FHAD1: variants seen among roughly 807,000 people sequenced by gnomAD.
The protein encoded by FHAD1 is forkhead associated phosphopeptide binding domain 1.
In FHAD1, 146 loss-of-function variants were observed where a neutral mutation model predicts 191.3. The observed-to-expected ratio is 0.76, with a 90% CI of 0.67 to 0.88. The LOEUF (loss-of-function observed/expected upper bound fraction) is 0.88. Among genes scored for constraint, FHAD1 ranks in the 40% least tolerant of loss-of-function variants. The pLI is 0.00. For synonymous variants in FHAD1, 616 were observed against 672.3 expected (o/e 0.92, Z 1.29); for missense variants, 1,635 against 1,785.8 (o/e 0.92, Z 1.52).
intron 22 of FHAD1, among the ~76,000 whole-genome samples, chr1:15,361,989 C>T (rs145558210): frequency 1.4e-4 from 20 of 143,266 alleles, no homozygotes; most frequent in African/African-American, 5.2e-4. Flanking sequence ...AGCAACAAAG[C>T]GAGACTCTGT....
At chr1:15,258,712 A>T (rs1203548520) in intron 2 of FHAD1, among the ~76,000 whole-genome samples, 1 of 151,462 alleles carries the variant, frequency 6.6e-6, no homozygotes, top group East Asian at 2.0e-4. Context: ...CAGCCTCCTG[A>T]GCAGCTGGGA....
chr1:15,372,303 G>A (rs1698331641), intron 26 of FHAD1, among the ~76,000 whole-genome samples: 1 of 152,192 alleles, frequency 6.6e-6, no homozygotes, highest in Non-Finnish European at 1.5e-5. Context: ...GAGGCCACGG[G>A]CCCTGTTCCC....
At position 15,311,547 on chromosome 1, in the gene FHAD1, G is replaced by T. The variant is rs2101121494; in HGVS notation, c.1040-1510G>T. On this transcript the variant is annotated intron_variant, in intron 7 of 33. Coordinates refer to ENST00000688493, the MANE Select transcript of FHAD1 (RefSeq NM_001391957.1). This position sits in a 1 kb window ranked among gnomAD's most constrained non-coding sequence, Gnocchi z 4.1. ...CCCAGAGAGAGCAGTCTGTTTCTAA[G>T]GAACTTAACTGTGTCCCCGGACGAA... 6.6e-6 allele frequency among the ~76,000 whole-genome samples: 1 copy of T among 152,292 alleles called. No homozygotes were observed. The highest frequency in any genetic ancestry group is 1.9e-4 in the East Asian group (1 of 5,192).
chr1:15,393,795 A>G (rs1292219683), intron 33 of FHAD1, among the ~76,000 whole-genome samples: 2 of 151,576 alleles, frequency 1.3e-5, no homozygotes, highest in Non-Finnish European at 2.9e-5. Context: ...GTAAATACAC[A>G]TAATGATTAA....
At position 15,253,392 on chromosome 1, in the gene FHAD1, T is replaced by C. The variant is rs1008941721; in HGVS notation, c.93+1515T>C. 4.1e-4 allele frequency among the ~76,000 whole-genome samples: 62 copies of C among 152,218 alleles called. 2 individuals are homozygous for C. The highest frequency in any genetic ancestry group is 2.1e-4 in the South Asian group (1 of 4,830). ...GATAGAAATTGTGTTTAAATCTATA[T>C]GTCAATGTGGAAAGAATTTATATAT... On this transcript the variant is annotated intron_variant, in intron 2 of 33. Transcript: ENST00000688493.
At chr1:15,341,960 G>A (rs1325018022) in intron 16 of FHAD1, 72 bp downstream of exon 16, 1 of 1,396,434 alleles carries the variant, frequency 7.2e-7, no homozygotes, top group Non-Finnish European at 9.7e-7. Context: ...GAAATTGAGG[G>A]CATGTACTTA....
intron 31 of FHAD1, among the ~76,000 whole-genome samples, chr1:15,382,429 G>C (rs78238837): frequency 0.051 from 7,710 of 152,260 alleles, 261 homozygotes; most frequent in Non-Finnish European, 0.079. Context: ...GTGCTCATCT[G>C]TATTTTTTTT....
At chr1:15,380,163 G>A (rs897519506) in intron 28 of FHAD1, among the ~76,000 whole-genome samples, 2 of 152,204 alleles carry the variant, frequency 1.3e-5, no homozygotes, top group African/African-American at 4.8e-5. Context: ...GCACAAGGAG[G>A]GGGAGAGTGA....
chr1:15,341,598 G>A, intron 15 of FHAD1, 138 bp from the exon 16 acceptor site: 1 of 637,736 alleles, frequency 1.6e-6, no homozygotes. Context: ...ACAGCATGCT[G>A]TAGTGTTCTG....
chr1:15,366,609 C>T (rs1195700403), intron 24 of FHAD1, among the ~76,000 whole-genome samples: 1 of 152,254 alleles, frequency 6.6e-6, no homozygotes, highest in Non-Finnish European at 1.5e-5. Context: ...AGCCCCGGCA[C>T]TCACTAGCTT....
chr1:15,359,906 C>T (rs368730958), intron 21 of FHAD1, among the ~76,000 whole-genome samples: 55 of 151,578 alleles, frequency 3.6e-4, no homozygotes, highest in East Asian at 1.6e-3. Flanking sequence ...GCCGAGATCG[C>T]GCCACTGCAC....
intron 4 of FHAD1, among the ~76,000 whole-genome samples, chr1:15,290,694 CTT>C (rs34777607): frequency 6.5e-4 from 90 of 138,208 alleles, no homozygotes; most frequent in Admixed American, 1.9e-3. Flanking sequence ...TTAATATGAA[CTT>C]TTTTTTTTTT....
Position 15,339,837 on chromosome 1 carries a change from AT to A in FHAD1, c.1977+298del, listed in dbSNP as rs899338612. Among the ~76,000 whole-genome samples the A allele has an allele frequency of 4.4e-3, 643 of 147,338 alleles. 5 individuals are homozygous for A. The highest frequency in any genetic ancestry group is 5.8e-3 in the Non-Finnish European group (385 of 66,276). ...GGCCCAGAAGACTTAATGCCATCAG[AT>A]TTTTTTTTTTTGAGTCTCGCTCTGT... On this transcript the variant is annotated intron_variant, in intron 15 of 33. Coordinates refer to ENST00000688493, the MANE Select transcript of FHAD1 (RefSeq NM_001391957.1).
intron 5 of FHAD1, among the ~76,000 whole-genome samples, chr1:15,300,500 G>A (rs557481645): frequency 4.6e-5 from 7 of 152,204 alleles, no homozygotes; most frequent in Non-Finnish European, 1.0e-4. Context: ...GTCAGAATGT[G>A]GTTGAATAGA....
At chr1:15,330,734 G>A (rs1680931706) in intron 14 of FHAD1, among the ~76,000 whole-genome samples, 1 of 152,164 alleles carries the variant, frequency 6.6e-6, no homozygotes, top group South Asian at 2.1e-4. Flanking sequence ...AGCACAAGGG[G>A]CTAACAGAAA....
intron 3 of FHAD1, among the ~76,000 whole-genome samples, chr1:15,281,729 C>CA (rs1208123877): frequency 7.1e-6 from 1 of 141,506 alleles, no homozygotes; most frequent in East Asian, 2.0e-4. Flanking sequence ...CTACTGCACT[C>CA]CAGCCTGGGT....
chr1:15,374,003 G>A (rs1698858426), intron 26 of FHAD1, among the ~76,000 whole-genome samples: 1 of 152,172 alleles, frequency 6.6e-6, no homozygotes, highest in Admixed American at 6.5e-5. Context: ...AAGTTCCGTG[G>A]GGTTCCAGAA....
At chr1:15,365,061 T>TC (rs1243319872) in intron 23 of FHAD1, among the ~76,000 whole-genome samples, 6 of 152,296 alleles carry the variant, frequency 3.9e-5, no homozygotes, top group Non-Finnish European at 8.8e-5. Context: ...CACCATTCAT[T>TC]CACATCTGGC....
intron 2 of FHAD1, among the ~76,000 whole-genome samples, chr1:15,258,584 C>T (rs1927186): frequency 0.67 from 88,161 of 131,066 alleles, 28,681 homozygotes; most frequent in East Asian, 0.89. Context: ...CTCTGTCTCT[C>T]TTTTTTTTTT....
Sources: allele counts gnomAD v4.1 joint callset (sites outside exome capture counted in the v4.1 genomes callset), GRCh38; gene constraint gnomAD v4.1.1; non-coding constraint Gnocchi (gnomAD v3.1); transcripts MANE v1.5; gene names NCBI Gene and HGNC (gene_info 2026-07-23, HGNC 2026-07-21).